MTA3: variants seen among roughly 807,000 people sequenced by gnomAD.
MTA3 encodes metastasis-associated protein MTA3.
A neutral mutation model predicts 83.5 loss-of-function variants in MTA3; 34 were observed. The observed-to-expected ratio is 0.41, with a 90% CI of 0.31 to 0.54. The LOEUF (loss-of-function observed/expected upper bound fraction) is 0.54, where lower values mean the gene tolerates loss of function less well. MTA3 is among the 20% of genes least tolerant of loss of function. The pLI is 0.33. For synonymous variants in MTA3, 303 were observed against 252.7 expected, an observed-to-expected ratio of 1.20 and a Z score of -1.89; for missense variants, 761 against 726.4, an observed-to-expected ratio of 1.05 and a Z score of -0.55.
intron 9 of MTA3, among the ~76,000 whole-genome samples, chr2:42,695,500 G>A (rs1183406430): frequency 1.3e-5 from 2 of 151,720 alleles, no homozygotes; most frequent in Admixed American, 1.3e-4. Flanking sequence ...GCTGGGCATG[G>A]TGGCATGTGC....
chr2:42,609,013 C>T (rs998271487), intron 3 of MTA3, among the ~76,000 whole-genome samples: 1 of 150,042 alleles, frequency 6.7e-6, no homozygotes, highest in Non-Finnish European at 1.5e-5. Flanking sequence ...TATAGTTGAA[C>T]TGACAAGATA....
At chr2:42,734,372 T>C (rs1668459664) in intron 16 of MTA3, among the ~76,000 whole-genome samples, 1 of 131,768 alleles carries the variant, frequency 7.6e-6, no homozygotes, top group East Asian at 2.4e-4. Flanking sequence ...TTGGTTTCCA[T>C]TTGCATGGAA....
chr2:42,678,325 ATTTATT>A (rs1225074740), intron 8 of MTA3, among the ~76,000 whole-genome samples: 1 of 152,062 alleles, frequency 6.6e-6, no homozygotes, highest in Non-Finnish European at 1.5e-5. Flanking sequence ...AAAGCCAATG[ATTTATT>A]TTTATTTTTA....
chr2:42,739,465 A>G (rs942868159), intron 16 of MTA3, among the ~76,000 whole-genome samples: 2 of 151,956 alleles, frequency 1.3e-5, no homozygotes, highest in Admixed American at 6.5e-5. Flanking sequence ...AAAAAAGCTA[A>G]TGATCATCTG....
At chr2:42,534,769 T>C (rs561721254) in intron 2 of MTA3, among the ~76,000 whole-genome samples, 4 of 152,150 alleles carry the variant, frequency 2.6e-5, no homozygotes, top group African/African-American at 7.2e-5. Flanking sequence ...TATATGCCAC[T>C]GAACCTAACT....
chr2:42,573,237 T>G (rs1678688791), intron 2 of MTA3, among the ~76,000 whole-genome samples: 1 of 152,238 alleles, frequency 6.6e-6, no homozygotes, highest in South Asian at 2.1e-4. Flanking sequence ...TGGTAACTTG[T>G]TCAGTTTTGT....
At chr2:42,523,882 A>C (rs1471463275) in intron 2 of MTA3, among the ~76,000 whole-genome samples, 2 of 152,112 alleles carry the variant, frequency 1.3e-5, no homozygotes, top group African/African-American at 4.8e-5. Context: ...GCACCATTGC[A>C]CTCCAACCTG....
intron 3 of MTA3, among the ~76,000 whole-genome samples, chr2:42,589,939 GTTGAGAGGAGA>G (rs1680772037): frequency 3.3e-5 from 5 of 152,308 alleles, no homozygotes; most frequent in Middle Eastern, 3.4e-3. Context: ...ATTTAGGGTG[GTTGAGAGGAGA>G]TGCCTGTATA....
intron 8 of MTA3, among the ~76,000 whole-genome samples, 200 bp downstream of exon 8, chr2:42,660,062 T>G (rs1223228333): frequency 3.9e-5 from 6 of 152,050 alleles, no homozygotes; most frequent in Non-Finnish European, 7.4e-5. Flanking sequence ...TGTCTGTTCA[T>G]TAGAAAGAGG....
upstream of MTA3, among the ~76,000 whole-genome samples, chr2:42,567,007 G>C (rs1184777469): frequency 2.0e-5 from 3 of 152,124 alleles, no homozygotes; most frequent in Non-Finnish European, 2.9e-5. Flanking sequence ...TGGGATCTCT[G>C]GTAAATGTTG....
intron 8 of MTA3, among the ~76,000 whole-genome samples, chr2:42,664,351 T>C (rs921613582): frequency 3.3e-5 from 5 of 152,124 alleles, no homozygotes; most frequent in Non-Finnish European, 7.4e-5. Flanking sequence ...TATGAAAGGT[T>C]CATTGGTTGT....
At chr2:42,531,731 G>T (rs776360638) in intron 2 of MTA3, among the ~76,000 whole-genome samples, 10 of 151,796 alleles carry the variant, frequency 6.6e-5, no homozygotes, top group Non-Finnish European at 1.3e-4. Flanking sequence ...CATTACAGAA[G>T]TGAGCCACTG....
intron 2 of MTA3, among the ~76,000 whole-genome samples, chr2:42,500,840 TCA>T (rs1674363160): frequency 1.4e-5 from 2 of 148,034 alleles, no homozygotes; most frequent in Non-Finnish European, 3.0e-5. Context: ...AGACGGAGTC[TCA>T]CACTCTCGCC....
At chr2:42,627,344 C>T (rs547844379) in intron 4 of MTA3, among the ~76,000 whole-genome samples, 4 of 152,294 alleles carry the variant, frequency 2.6e-5, no homozygotes, top group Admixed American at 6.5e-5. Context: ...TTCCAAACCA[C>T]TGCCAGGCCT....
chr2:42,580,859 G>C (rs1222217948), intron 3 of MTA3, among the ~76,000 whole-genome samples: 1 of 152,158 alleles, frequency 6.6e-6, no homozygotes. Context: ...GGAGTGCTGG[G>C]ATTACAGGTG....
chr2:42,720,385 G>C (rs1667319031), intron 15 of MTA3, among the ~76,000 whole-genome samples: 1 of 151,996 alleles, frequency 6.6e-6, no homozygotes, highest in Admixed American at 6.6e-5. Context: ...GTTTCACCTT[G>C]TTAGCCAGGA....
intron 2 of MTA3, among the ~76,000 whole-genome samples, chr2:42,544,154 T>C (rs772034781): frequency 5.3e-5 from 8 of 152,020 alleles, no homozygotes; most frequent in African/African-American, 1.7e-4. Context: ...GCTTCTAAGA[T>C]AGTTACAGTC....
At chr2:42,726,125 C>T (rs561056609) in intron 16 of MTA3, among the ~76,000 whole-genome samples, 91 of 152,166 alleles carry the variant, frequency 6.0e-4, no homozygotes, top group Non-Finnish European at 1.1e-3. Context: ...AAGCCTTGTT[C>T]TGTGTGATCC....
At chr2:42,522,178 C>G (rs1675460184) in intron 2 of MTA3, among the ~76,000 whole-genome samples, 1 of 152,190 alleles carries the variant, frequency 6.6e-6, no homozygotes, top group South Asian at 2.1e-4. Flanking sequence ...AGTCCTAAAG[C>G]AAACTGGGGA....
Sources: allele counts gnomAD v4.1 joint callset (sites outside exome capture counted in the v4.1 genomes callset), GRCh38; gene constraint gnomAD v4.1.1; transcripts MANE v1.5; gene names NCBI Gene and HGNC (gene_info 2026-07-23, HGNC 2026-07-21).